ZDHHC17: variants seen among roughly 807,000 people sequenced by gnomAD.
ZDHHC17 encodes the protein zDHHC palmitoyltransferase 17.
Under a neutral mutation model 90.3 loss-of-function variants are expected in ZDHHC17, and 40 were observed. That is an observed-to-expected ratio of 0.44 (90% CI 0.34 to 0.58). ZDHHC17 has a LOEUF of 0.58. Ranked by LOEUF, ZDHHC17 falls within the 20% of genes least tolerant of loss-of-function variation. The pLI, the probability that ZDHHC17 is intolerant of heterozygous loss-of-function variation, is 0.01. For synonymous variants in ZDHHC17, 235 were observed against 252.4 expected (o/e 0.93, Z 0.65); for missense variants, 614 against 780.8 (o/e 0.79, Z 2.55).
intron 10 of ZDHHC17, among the ~76,000 whole-genome samples, chr12:76,828,828 C>A (rs1178424448): frequency 6.6e-6 from 1 of 151,774 alleles, no homozygotes; most frequent in African/African-American, 2.4e-5. Context: ...TTTATAGATT[C>A]AGGGGTTACA....
At chr12:76,779,342 G>C (rs1039162772) in intron 1 of ZDHHC17, among the ~76,000 whole-genome samples, 3 of 152,174 alleles carry the variant, frequency 2.0e-5, no homozygotes, top group African/African-American at 7.2e-5. Context: ...ATAAAGGAAG[G>C]AGGTTGAATT....
At chr12:76,818,931 A>C (rs551470291) in intron 7 of ZDHHC17, among the ~76,000 whole-genome samples, 8 of 152,330 alleles carry the variant, frequency 5.3e-5, no homozygotes, top group African/African-American at 1.9e-4. Flanking sequence ...GAGTTAAGAA[A>C]ATGGAAAAGA....
chr12:76,806,390 T>A (rs944465781), intron 3 of ZDHHC17, among the ~76,000 whole-genome samples: 6 of 152,136 alleles, frequency 3.9e-5, no homozygotes, highest in Admixed American at 2.0e-4. Context: ...GCAATTCTCC[T>A]GCCTCAGCCT....
chr12:76,802,572 T>A (rs1307391717), intron 2 of ZDHHC17, among the ~76,000 whole-genome samples: 1 of 152,248 alleles, frequency 6.6e-6, no homozygotes, highest in East Asian at 1.9e-4. Flanking sequence ...GTTGTTCTAC[T>A]TAATGGTGTC....
intron 10 of ZDHHC17, among the ~76,000 whole-genome samples, chr12:76,831,544 G>T (rs1953301391): frequency 6.6e-6 from 1 of 152,050 alleles, no homozygotes; most frequent in African/African-American, 2.4e-5. Flanking sequence ...TAGAGACGGG[G>T]TTTCACTATG....
chr12:76,803,878 A>G (rs942910167), intron 2 of ZDHHC17, among the ~76,000 whole-genome samples: 1 of 152,166 alleles, frequency 6.6e-6, no homozygotes, highest in African/African-American at 2.4e-5. Flanking sequence ...TTCATCAGTT[A>G]TACTTGGGAT....
At chr12:76,792,376 G>A (rs1386230503) in intron 1 of ZDHHC17, among the ~76,000 whole-genome samples, 2 of 152,154 alleles carry the variant, frequency 1.3e-5, no homozygotes, top group Non-Finnish European at 2.9e-5. Context: ...TAGACACTTG[G>A]CGAATAGTTG....
chr12:76,846,752 A>G, intron 14 of ZDHHC17, 73 bp downstream of exon 14: 5 of 1,265,120 alleles, frequency 4.0e-6, no homozygotes, highest in Non-Finnish European at 5.6e-6. Flanking sequence ...CACACTAACA[A>G]ATTACTATAA....
intron 1 of ZDHHC17, among the ~76,000 whole-genome samples, chr12:76,767,224 G>T (rs1390107247): frequency 6.6e-6 from 1 of 152,010 alleles, no homozygotes; most frequent in East Asian, 1.9e-4. Flanking sequence ...AAACTTATGT[G>T]GGTTTTAATT....
intron 14 of ZDHHC17, 38 bp from the exon 15 acceptor site, chr12:76,848,195 T>C: frequency 6.2e-7 from 1 of 1,609,016 alleles, no homozygotes. Context: ...GCTTGGATGA[T>C]TATTGAGTAA....
In ZDHHC17 at chr12:76,787,665, G is replaced by A. The variant is rs150496080; in HGVS notation, c.94-9769G>A. On this transcript the variant is annotated intron_variant, in intron 1 of 16. Coordinates refer to ENST00000426126, the MANE Select transcript of ZDHHC17 (RefSeq NM_015336.4). The stretch of plus-strand genomic sequence containing the variant: ...CTGTCTCTTGTGTGTGTGTGCGCGC[G>A]CAGGAGAGTTGATGGTATTCTTACA... 3.8e-4 allele frequency among the ~76,000 whole-genome samples: 57 copies of A among 151,926 alleles called. No homozygotes were observed. In the East Asian group the frequency reaches 9.8e-3, roughly 26 times the overall value.
intron 10 of ZDHHC17, among the ~76,000 whole-genome samples, chr12:76,831,201 A>G (rs1953296173): frequency 6.6e-6 from 1 of 152,228 alleles, no homozygotes; most frequent in Non-Finnish European, 1.5e-5. Context: ...ACCTGAGGAC[A>G]TACCTGACAT....
chr12:76,784,702 AC>A (rs1304102750), intron 1 of ZDHHC17, among the ~76,000 whole-genome samples: 1 of 152,212 alleles, frequency 6.6e-6, no homozygotes, highest in Non-Finnish European at 1.5e-5. Flanking sequence ...ACCCTTGCAT[AC>A]ATATTGGCTG....
chr12:76,832,893 A>G (rs1032070670), intron 10 of ZDHHC17, among the ~76,000 whole-genome samples: 2 of 152,194 alleles, frequency 1.3e-5, no homozygotes, highest in Non-Finnish European at 2.9e-5. Flanking sequence ...ACATTTGGTG[A>G]CTCAAATTTT....
chr12:76,852,518 C>T lies in ZDHHC17; in HGVS notation c.*1533C>T, dbSNP rs527626306. The T allele has an allele frequency of 6.5e-6, 1 of 152,704 alleles. No individual in the cohort carries two copies. Among genetic ancestry groups the T allele is most frequent in the South Asian group, 2.1e-4 (1 of 4,828 alleles). 9.5% of individuals were successfully genotyped at this position (152,704 alleles called of 1,614,324 possible). On this transcript the variant is annotated 3_prime_UTR_variant, in exon 17 of 17. Coordinates refer to ENST00000426126, the MANE Select transcript of ZDHHC17 (RefSeq NM_015336.4). ...AAAATTGCTGTTAATAGGCATTATA[C>T]CCTGCAAGTTCACTGCATGTCTGAT... is the stretch of plus-strand genomic sequence containing the variant.
intron 12 of ZDHHC17, chr12:76,844,805 G>GA (rs781773455): frequency 2.0e-5 from 3 of 152,080 alleles, no homozygotes; most frequent in Non-Finnish European, 4.4e-5. Context: ...TGCTTTTGTT[G>GA]AAACGCTGAA....
intron 1 of ZDHHC17, among the ~76,000 whole-genome samples, chr12:76,784,606 A>G (rs1952664787): frequency 6.6e-6 from 1 of 152,176 alleles, no homozygotes; most frequent in South Asian, 2.1e-4. Context: ...AGTAACGAAC[A>G]CCATAGACAT....
intron 10 of ZDHHC17, among the ~76,000 whole-genome samples, chr12:76,837,088 C>G (rs1178530290): frequency 6.6e-6 from 1 of 152,076 alleles, no homozygotes; most frequent in African/African-American, 2.4e-5. Flanking sequence ...TCTCTGGTCT[C>G]CATGGGGTTT....
intron 10 of ZDHHC17, among the ~76,000 whole-genome samples, chr12:76,829,456 A>C (rs1284881576): frequency 9.1e-5 from 1 of 10,950 alleles, no homozygotes; most frequent in East Asian, 1.6e-3. Context: ...ACTATGTCTC[A>C]AAAAAAAAAA....
Sources: allele counts gnomAD v4.1 joint callset (sites outside exome capture counted in the v4.1 genomes callset), GRCh38; gene constraint gnomAD v4.1.1; transcripts MANE v1.5; gene names NCBI Gene and HGNC (gene_info 2026-07-23, HGNC 2026-07-21).